Variants in TDP1 observed in about 807,000 individuals in gnomAD.
TDP1 encodes tyr-DNA phosphodiesterase 1.
TDP1 carries 64 observed loss-of-function variants against 81.5 expected under a neutral mutation model. That is an observed-to-expected ratio of 0.79 (90% CI 0.64 to 0.97). The LOEUF is 0.97. Among genes scored for constraint, TDP1 ranks in the 50% least tolerant of loss-of-function variants. The pLI is 0.00. For synonymous variants in TDP1, 256 were observed against 264.3 expected (o/e 0.97, Z 0.30); for missense variants, 723 against 743.8 (o/e 0.97, Z 0.33).
In TDP1 at chr14:90,010,606, C is replaced by G. The variant is rs551440238; in HGVS notation, c.1542-8710C>G. On this transcript the variant is annotated intron_variant, in intron 14 of 16. Transcript: ENST00000335725. ...AGAGAGCACTGCATGAAAAAGGACT[C>G]AGCTAACCTCACTGGCCTTGAAGAT... Among the ~76,000 whole-genome samples the G allele has an allele frequency of 4.6e-5, 7 of 152,270 alleles. No homozygotes were observed. The South Asian group carries it at 1.4e-3, about 32-fold the overall frequency.
At chr14:89,997,917 A>G (rs1453987909) in intron 14 of TDP1, among the ~76,000 whole-genome samples, 1 of 149,304 alleles carries the variant, frequency 6.7e-6, no homozygotes, top group Admixed American at 6.6e-5. Context: ...TAAGAATGCA[A>G]TAAACAATAA....
chr14:89,988,219 G>T (rs1895786071), intron 10 of TDP1, among the ~76,000 whole-genome samples: 2 of 152,208 alleles, frequency 1.3e-5, no homozygotes, highest in Admixed American at 1.3e-4. Context: ...CTGTCGGAAA[G>T]CTCCCTAAAC....
rs1596499037 is a variant in TDP1, at chr14:89,963,448, A to G, written c.334A>G (p.Lys112Glu). The change falls in exon 3 of 17, where the codon AAG becomes GAG. Residue 112 changes from lysine to glutamate, a missense_variant. Coordinates refer to ENST00000335725, the MANE Select transcript of TDP1 (RefSeq NM_018319.4). Reference sequence around the variant, plus strand: ...GCAGGCTGAGAAAGTGGTGATCAAAAAGGAGAAAGACATCTCTGCTCCCAA... The same window carrying G: ...GCAGGCTGAGAAAGTGGTGATCAAAGAGGAGAAAGACATCTCTGCTCCCAA... ...QKQAEKVVIK[K>E]EKDISAPNDG... 5 of 1,613,482 alleles carry G rather than the reference A, an allele frequency of 3.1e-6. No individual in the cohort carries two copies. In the East Asian group the frequency reaches 1.1e-4, roughly 36 times the overall value.
intron 16 of TDP1, among the ~76,000 whole-genome samples, chr14:90,037,663 G>C (rs1304155658): frequency 6.6e-6 from 1 of 152,030 alleles, no homozygotes. Context: ...TCATCTATTT[G>C]AGAGTAGCAA....
At chr14:89,994,520 A>G (rs35984373) in intron 14 of TDP1, among the ~76,000 whole-genome samples, 3 of 152,228 alleles carry the variant, frequency 2.0e-5, no homozygotes, top group Admixed American at 1.3e-4. Context: ...TTTCAAGGGC[A>G]TTAAGGGAAG....
chr14:89,963,786 A>AACTACTTT (rs1370936654), intron 3 of TDP1, 113 bp downstream of exon 3: 13 of 1,293,916 alleles, frequency 1.0e-5, no homozygotes, highest in Non-Finnish European at 2.2e-6. Flanking sequence ...TTGTGTTCTT[A>AACTACTTT]ACTACTTTCA....
chr14:89,959,123 TC>T lies in TDP1; in HGVS notation c.-8+2324del, dbSNP rs533267453. Among the ~76,000 whole-genome samples, 386 of 152,348 alleles carry T rather than the reference TC, an allele frequency of 2.5e-3. 1 individual carries two copies. Among genetic ancestry groups the T allele is most frequent in the African/African-American group, 9.0e-3 (375 of 41,584 alleles). Reference sequence around the variant, plus strand: ...ATGTCAGGTCCCAATCACTTCCACTTCAGGAAACACTGTGCCGTTCTGATTG... The same window carrying T: ...ATGTCAGGTCCCAATCACTTCCACTTAGGAAACACTGTGCCGTTCTGATTG... On this transcript the variant is annotated intron_variant, in intron 2 of 16. Coordinates refer to ENST00000335725, the MANE Select transcript of TDP1 (RefSeq NM_018319.4).
intron 11 of TDP1, chr14:89,989,407 A>G (rs1895938359): frequency 1.0e-6 from 1 of 984,832 alleles, no homozygotes; most frequent in Admixed American, 6.1e-5. Context: ...GATGTAGCAC[A>G]GCCAGCAGAA....
rs967989804 is a variant in TDP1, at chr14:89,991,953, A to C, written c.1403A>C (p.Glu468Ala). 5 of 1,612,742 alleles carry C rather than the reference A, an allele frequency of 3.1e-6. No homozygotes were observed. Among genetic ancestry groups the C allele is most frequent in the Non-Finnish European group, 4.2e-6 (5 of 1,179,568 alleles). ...CTTCCCTATAGCATCCAGACAGCTG[A>C]AAAACAGAATTGGCTGCATTCCTAT... ...GSLPYSIQTA[E>A]KQNWLHSYFH... Residue 468 changes from glutamate (E) to alanine (A), a missense_variant, in exon 13 of 17, where the codon GAA (glutamate) becomes GCA (alanine). Transcript: ENST00000335725.
At position 90,005,505 on chromosome 14, in the gene TDP1, C is replaced by T. The variant is rs1897594390; in HGVS notation, c.1541+12022C>T. On this transcript the variant is annotated intron_variant, in intron 14 of 16. Coordinates refer to ENST00000335725, the MANE Select transcript of TDP1 (RefSeq NM_018319.4). ...TTAAAAGCATTAACCATTTCCAAAC[C>T]TCACCTTTGTGAGGTGCATTAAAAT... 8.5e-5 allele frequency among the ~76,000 whole-genome samples: 13 copies of T among 152,202 alleles called. 1 individual carries two copies. Among genetic ancestry groups the T allele is most frequent in the Admixed American group, 7.9e-4 (12 of 15,278 alleles).
rs573684333 is a variant in TDP1 at position 89,965,171 on chromosome 14, TTTG to T, written c.560-967_560-965del. Among the ~76,000 whole-genome samples the T allele has an allele frequency of 2.1e-3, 315 of 152,278 alleles. 1 individual carries two copies. The highest frequency in any genetic ancestry group is 7.2e-3 in the African/African-American group (298 of 41,550). On this transcript the variant is annotated intron_variant, in intron 3 of 16. Coordinates refer to ENST00000335725, the MANE Select transcript of TDP1 (RefSeq NM_018319.4). ...AGGTAGAACCTTCCTTAACAATTTT[TTTG>T]TTGTTGTTCTCTGAAAATCGTTCTA...
At chr14:89,982,790 T>A (rs17126520) in intron 8 of TDP1, among the ~76,000 whole-genome samples, 1 of 152,228 alleles carries the variant, frequency 6.6e-6, no homozygotes, top group African/African-American at 2.4e-5. Flanking sequence ...TATTTCATGC[T>A]TGGCCTATAT....
chr14:89,977,766 G>A (rs1004574595), intron 7 of TDP1, among the ~76,000 whole-genome samples: 5 of 152,190 alleles, frequency 3.3e-5, no homozygotes, highest in African/African-American at 9.6e-5. Flanking sequence ...AGGGTAAACT[G>A]CCTTCCCCAC....
chr14:90,018,828 C>T (rs1196790999), intron 14 of TDP1: 6 of 206,988 alleles, frequency 2.9e-5, no homozygotes, highest in Admixed American at 2.0e-4. Context: ...ATACAAATAA[C>T]AGTCTTTGCC....
At chr14:89,991,435 T>G (rs34200637) in intron 12 of TDP1, 5,463 of 427,000 alleles carry the variant, frequency 0.013, 55 homozygotes, top group South Asian at 0.019. Flanking sequence ...TGCGTTCTCG[T>G]CCTCAATGAG....
chr14:90,019,289 G>A (rs1260198265), intron 14 of TDP1, 27 bp from the exon 15 acceptor site: 1 of 1,495,524 alleles, frequency 6.7e-7, no homozygotes, highest in Admixed American at 1.7e-5. Context: ...CCCTGAGTCA[G>A]CCCTATCTGT....
chr14:90,020,004 A>G (rs979327197), intron 15 of TDP1, among the ~76,000 whole-genome samples: 4 of 152,138 alleles, frequency 2.6e-5, no homozygotes, highest in African/African-American at 9.7e-5. Flanking sequence ...CTGGCCCAGT[A>G]AGCCCCCTGG....
chr14:89,985,354 ATTC>A, intron 10 of TDP1, 144 bp downstream of exon 10: 1 of 612,536 alleles, frequency 1.6e-6, no homozygotes, highest in Non-Finnish European at 2.8e-6. Context: ...GATAATTATA[ATTC>A]TTAGTAATTA....
At chr14:90,033,801 C>T (rs572957489) in intron 16 of TDP1, among the ~76,000 whole-genome samples, 29 of 152,296 alleles carry the variant, frequency 1.9e-4, no homozygotes, top group African/African-American at 6.3e-4. Flanking sequence ...CGGTGGCCCA[C>T]ACCTGTAATC....
Sources: gnomAD v4.1 joint callset for allele counts (sites outside exome capture counted in the v4.1 genomes callset) on GRCh38, gnomAD v4.1.1 for gene constraint, MANE v1.5 for transcripts, NCBI Gene and HGNC (gene_info 2026-07-23, HGNC 2026-07-21) for gene names.